Variants in SAR1B observed in about 807,000 individuals in gnomAD.
SAR1B encodes the protein secretion associated Ras related GTPase 1B, also known as small COPII coat GTPase SAR1B.
In SAR1B, 23 loss-of-function variants were observed where a neutral mutation model predicts 26.8. That is an observed-to-expected ratio of 0.86 (90% confidence interval 0.62 to 1.22). The LOEUF (loss-of-function observed/expected upper bound fraction) is 1.22. Among genes scored for constraint, SAR1B ranks in the 50% most tolerant of loss-of-function variants. SAR1B has a pLI of 0.00. For synonymous variants in SAR1B, 65 were observed against 80.8 expected, an observed-to-expected ratio of 0.80 and a Z score of 1.05; for missense variants, 196 against 232.8, an observed-to-expected ratio of 0.84 and a Z score of 1.03.
intron 3 of SAR1B, among the ~76,000 whole-genome samples, chr5:134,616,176 C>T (rs540942883): frequency 1.3e-5 from 2 of 149,548 alleles, no homozygotes; most frequent in Admixed American, 1.3e-4. Flanking sequence ...GTGGCTCATG[C>T]CTGTAATCCC....
Position 134,612,684 on chromosome 5 carries a change from A to AAAATAAAAT in SAR1B, c.244+6_244+7insATTTTATTT. 2.9e-6 allele frequency: 3 copies of AAAATAAAAT among 1,017,730 alleles called. No individual in the cohort carries two copies. Among genetic ancestry groups the AAAATAAAAT allele is most frequent in the Non-Finnish European group, 4.2e-6 (3 of 711,286 alleles). 63.0% of individuals were successfully genotyped at this position (1,017,730 alleles called of 1,614,324 possible). ...AAAAAAAAAAAAAAAAAAAAAAAGA[A>AAAATAAAAT]TCTTACCTTGAACATGTCCACCCAG... On this transcript the variant is annotated splice_region_variant and intron_variant, in intron 4 of 6. Transcript: ENST00000402673.
At chr5:134,612,010 A>G (rs1163356563) in intron 4 of SAR1B, among the ~76,000 whole-genome samples, 1 of 152,154 alleles carries the variant, frequency 6.6e-6, no homozygotes, top group Non-Finnish European at 1.5e-5. Context: ...CTATAAGATA[A>G]TTTTTAAAAG....
In SAR1B at chr5:134,612,641, TAAAAAAAAAAAAAAAAAAAAA is replaced by T. The variant is rs34365859; in HGVS notation, c.244+29_244+49del. 1.7e-3 allele frequency: 1,304 copies of T among 767,626 alleles called. 3 individuals are homozygous for T. Among genetic ancestry groups the T allele is most frequent in the African/African-American group, 0.011 (233 of 22,120 alleles). 47.6% of individuals were successfully genotyped at this position (767,626 alleles called of 1,614,324 possible). On this transcript the variant is annotated intron_variant, in intron 4 of 6. Coordinates refer to ENST00000402673, the MANE Select transcript of SAR1B (RefSeq NM_016103.4). Reference sequence around the variant, plus strand: ...GCCTGGGAGACAGAGTGAGCCTGTCTAAAAAAAAAAAAAAAAAAAAAAAAAAAAAAAAAAAAAAAAGAATCT... The same window carrying T: ...GCCTGGGAGACAGAGTGAGCCTGTCTAAAAAAAAAAAAAAAAAAAGAATCT...
chr5:134,626,528 C>T (rs1765497210), intron 1 of SAR1B, among the ~76,000 whole-genome samples: 1 of 152,002 alleles, frequency 6.6e-6, no homozygotes, highest in African/African-American at 2.4e-5. Flanking sequence ...GAGCAAAGGT[C>T]AAGAACAAGG....
chr5:134,612,640 CTAAAAAAAA>C, intron 4 of SAR1B, 42 bp downstream of exon 4: 3 of 898,174 alleles, frequency 3.3e-6, no homozygotes, highest in Non-Finnish European at 4.1e-6. Context: ...GTGAGCCTGT[CTAAAAAAAA>C]AAAAAAAAAA....
At position 134,618,971 on chromosome 5, in the gene SAR1B, C is replaced by T. The variant is rs1765358412; in HGVS notation, c.178+1962G>A. Among the ~76,000 whole-genome samples, 3 of 143,798 alleles carry T rather than the reference C, an allele frequency of 2.1e-5. No homozygotes were observed. In the East Asian group the frequency reaches 6.4e-4, roughly 30 times the overall value. 94.3% of individuals were successfully genotyped at this position (143,798 alleles called of 152,430 possible). A position where few individuals can be genotyped will look rare whatever the true frequency, so the allele number is the denominator to read the frequency against. On this transcript the variant is annotated intron_variant, in intron 3 of 6. Transcript: ENST00000402673. Reference sequence around the variant, plus strand: ...CGAGATGGTGCCACTGCACTTCAGCCTAGGCAACAGAGTGAGACTCTGTCT... The same window carrying T: ...CGAGATGGTGCCACTGCACTTCAGCTTAGGCAACAGAGTGAGACTCTGTCT...
chr5:134,628,459 A>C (rs1486888396), intron 1 of SAR1B, among the ~76,000 whole-genome samples: 1 of 152,122 alleles, frequency 6.6e-6, no homozygotes, highest in Non-Finnish European at 1.5e-5. Context: ...CAATGCACTA[A>C]TAACTTTGGG....
chr5:134,608,080 G>A (rs887154628), intron 6 of SAR1B, among the ~76,000 whole-genome samples: 1 of 152,058 alleles, frequency 6.6e-6, no homozygotes, highest in Non-Finnish European at 1.5e-5. Flanking sequence ...CAAATATATC[G>A]TTTGGTGGCT....
chr5:134,624,535 A>C (rs1765464337), intron 1 of SAR1B, among the ~76,000 whole-genome samples: 1 of 152,138 alleles, frequency 6.6e-6, no homozygotes, highest in African/African-American at 2.4e-5. Context: ...TAGGTGAGGC[A>C]GTGAGGAGAG....
rs978514586 is a variant in SAR1B, at chr5:134,620,868, T to A, written c.178+65A>T. 2.5e-6 allele frequency: 4 copies of A among 1,581,158 alleles called. No homozygotes were observed. In the African/African-American group the frequency reaches 5.4e-5, roughly 21 times the overall value. Reference sequence around the variant, plus strand: ...GACCCTGTCTGAAACAAAACACTTTTGGTTAGTGCATATGACTCAGCATCA... The same window carrying A: ...GACCCTGTCTGAAACAAAACACTTTAGGTTAGTGCATATGACTCAGCATCA... On this transcript the variant is annotated intron_variant, in intron 3 of 6. Transcript: ENST00000402673.
intron 1 of SAR1B, among the ~76,000 whole-genome samples, chr5:134,629,673 G>C (rs1003236317): frequency 2.6e-5 from 4 of 151,792 alleles, no homozygotes; most frequent in Non-Finnish European, 4.4e-5. Flanking sequence ...CTCCAGCCTG[G>C]GCGACAGAGC....
At chr5:134,617,700 G>A (rs1205320976) in intron 3 of SAR1B, among the ~76,000 whole-genome samples, 3 of 150,594 alleles carry the variant, frequency 2.0e-5, no homozygotes, top group East Asian at 1.9e-4. Flanking sequence ...TGTTTTTTTC[G>A]AGACAGAGTC....
Position 134,608,490 on chromosome 5 carries a change from T to C in SAR1B, c.362A>G (p.Asp121Gly), listed in dbSNP as rs1410229049. The change falls in exon 6 of 7, where the codon GAT becomes GGT. Residue 121 changes from aspartate (D) to glycine (G), a missense_variant. Coordinates refer to ENST00000402673, the MANE Select transcript of SAR1B (RefSeq NM_016103.4). ...SKEELDSLMT[D>G]ETIANVPILI... is the part of the protein sequence containing the mutation. ...TATAGGCACATTAGCAATGGTTTCA[T>C]CTGTCATTAGTGACTGAAAAAAACA... The C allele has an allele frequency of 6.2e-7, 1 of 1,612,394 alleles. No individual in the cohort carries two copies. The highest frequency in any genetic ancestry group is 8.5e-7 in the Non-Finnish European group (1 of 1,179,432).
At chr5:134,620,900 C>T (rs1379160243) in intron 3 of SAR1B, 33 bp downstream of exon 3, 12 of 1,611,874 alleles carry the variant, frequency 7.4e-6, no homozygotes, top group Non-Finnish European at 1.0e-5. Context: ...ATCATTTGAT[C>T]AAGTATCACA....
At chr5:134,612,639 TCTAAAAAAAAAA>T in intron 4 of SAR1B, 40 bp downstream of exon 4, 2 of 974,398 alleles carry the variant, frequency 2.1e-6, no homozygotes, top group Non-Finnish European at 2.5e-6. Flanking sequence ...AGTGAGCCTG[TCTAAAAAAAAAA>T]AAAAAAAAAA....
At chr5:134,609,950 A>T (rs1043957404) in intron 4 of SAR1B, among the ~76,000 whole-genome samples, 3 of 149,052 alleles carry the variant, frequency 2.0e-5, no homozygotes, top group East Asian at 2.0e-4. Context: ...AAATAAAAAT[A>T]AAAAAAAATA....
intron 1 of SAR1B, among the ~76,000 whole-genome samples, chr5:134,630,457 A>C (rs1479019987): frequency 7.6e-6 from 1 of 131,102 alleles, no homozygotes; most frequent in African/African-American, 2.9e-5. Context: ...ACTCTATCTC[A>C]AAAAAAAAAA....
At chr5:134,625,133 A>C (rs558231663) in intron 1 of SAR1B, among the ~76,000 whole-genome samples, 2 of 152,308 alleles carry the variant, frequency 1.3e-5, no homozygotes, top group East Asian at 1.9e-4. Flanking sequence ...GGTGGTGGGA[A>C]TCTGACTCCA....
chr5:134,608,481 A>G lies in SAR1B; in HGVS notation c.371T>C (p.Ile124Thr). 6.2e-7 allele frequency: 1 copy of G among 1,612,596 alleles called. No homozygotes were observed. Among genetic ancestry groups the G allele is most frequent in the Non-Finnish European group, 8.5e-7 (1 of 1,179,498 alleles). Residue 124 changes from isoleucine to threonine, a missense_variant, in exon 6 of 7, where the codon ATT (isoleucine) becomes ACT (threonine). Ile to Thr is a moderately conservative substitution (Grantham distance 89). Transcript: ENST00000402673. ...AAGAATCAGTATAGGCACATTAGCAATGGTTTCATCTGTCATTAGTGACTG... is the reference window on the plus strand; with the variant it reads ...AAGAATCAGTATAGGCACATTAGCAGTGGTTTCATCTGTCATTAGTGACTG... ...ELDSLMTDET[I>T]ANVPILILGN...
Sources: allele counts gnomAD v4.1 joint callset (sites outside exome capture counted in the v4.1 genomes callset), GRCh38; gene constraint gnomAD v4.1.1; transcripts MANE v1.5; gene names NCBI Gene and HGNC (gene_info 2026-07-23, HGNC 2026-07-21).